The following SFXN1 variants were observed in gnomAD, a reference collection of about 807,000 sequenced individuals.
The protein encoded by SFXN1 is sideroflexin 1, also known as sideroflexin-1.
A neutral mutation model predicts 39.5 loss-of-function variants in SFXN1; 32 were observed. The ratio of observed to expected loss-of-function variants is 0.81; its 90% CI spans 0.61 to 1.09. The LOEUF (loss-of-function observed/expected upper bound fraction) is 1.09, where lower values mean the gene tolerates loss of function less well. Ranked by LOEUF, SFXN1 falls within the 50% of genes least tolerant of loss-of-function variation. SFXN1 has a pLI of 0.00. For synonymous variants in SFXN1, 136 were observed against 146.5 expected, an observed-to-expected ratio of 0.93 and a Z score of 0.52; for missense variants, 402 against 407.1, an observed-to-expected ratio of 0.99 and a Z score of 0.11.
intron 2 of SFXN1, among the ~76,000 whole-genome samples, chr5:175,501,703 C>T (rs1760090575): frequency 6.6e-6 from 1 of 152,028 alleles, no homozygotes; most frequent in South Asian, 2.1e-4. Flanking sequence ...ATAGAAGATA[C>T]AGGAATAGCA....
intron 8 of SFXN1, among the ~76,000 whole-genome samples, chr5:175,521,108 G>A (rs550285964): frequency 6.6e-6 from 1 of 152,038 alleles, no homozygotes; most frequent in African/African-American, 2.4e-5. Context: ...TCACACCTTG[G>A]TTGCAGTGAT....
At chr5:175,478,906 C>G (rs1447805926) in intron 1 of SFXN1, among the ~76,000 whole-genome samples, 1 of 152,136 alleles carries the variant, frequency 6.6e-6, no homozygotes, top group Non-Finnish European at 1.5e-5. Flanking sequence ...TGGGCCTCGT[C>G]CCCGGTGGGA....
chr5:175,508,389 C>A (rs552816511), intron 2 of SFXN1, among the ~76,000 whole-genome samples: 18 of 151,938 alleles, frequency 1.2e-4, no homozygotes, highest in African/African-American at 4.3e-4. Context: ...CAATGCCTGA[C>A]TAGTTTTTAT....
At chr5:175,520,351 T>C (rs139472441) in intron 8 of SFXN1, among the ~76,000 whole-genome samples, 1 of 152,292 alleles carries the variant, frequency 6.6e-6, no homozygotes, top group African/African-American at 2.4e-5. Context: ...CCTTGAGAAA[T>C]GTTGTGAATA....
At chr5:175,487,374 C>G (rs1439217230) in intron 1 of SFXN1, among the ~76,000 whole-genome samples, 2 of 152,178 alleles carry the variant, frequency 1.3e-5, no homozygotes, top group African/African-American at 4.8e-5. Flanking sequence ...ACGTGTTGTT[C>G]CTCTTGCTAC....
chr5:175,514,424 T>A (rs927372028), intron 7 of SFXN1, among the ~76,000 whole-genome samples: 1 of 152,146 alleles, frequency 6.6e-6, no homozygotes, highest in African/African-American at 2.4e-5. Context: ...AGAGCTACCT[T>A]CAGACCAGGG....
At chr5:175,496,329 G>A (rs532488538) in intron 2 of SFXN1, among the ~76,000 whole-genome samples, 109 of 151,546 alleles carry the variant, frequency 7.2e-4, no homozygotes, top group African/African-American at 2.3e-3. Flanking sequence ...AGCCGAGATC[G>A]CTCCCTGCAC....
chr5:175,498,878 G>A (rs1759965880), intron 2 of SFXN1, among the ~76,000 whole-genome samples: 2 of 152,124 alleles, frequency 1.3e-5, no homozygotes, highest in Non-Finnish European at 2.9e-5. Context: ...TAGCAAGATG[G>A]TAATAAAATA....
intron 4 of SFXN1, among the ~76,000 whole-genome samples, chr5:175,511,016 A>G (rs1760491340): frequency 6.6e-6 from 1 of 152,178 alleles, no homozygotes; most frequent in African/African-American, 2.4e-5. Context: ...TCATTTTTTA[A>G]ATGGCAGCAC....
intron 2 of SFXN1, among the ~76,000 whole-genome samples, chr5:175,494,973 C>G (rs1182626968): frequency 6.6e-6 from 1 of 152,156 alleles, no homozygotes; most frequent in Non-Finnish European, 1.5e-5. Context: ...AGAACTCGAA[C>G]AGATCCTTGT....
intron 8 of SFXN1, 137 bp from the exon 9 acceptor site, chr5:175,521,782 C>A: frequency 1.6e-6 from 1 of 641,762 alleles, no homozygotes; most frequent in Non-Finnish European, 2.7e-6. Flanking sequence ...CTTGTTGCAG[C>A]ATTTCCCCCA....
chr5:175,502,158 A>C (rs887269000), intron 2 of SFXN1, among the ~76,000 whole-genome samples: 1 of 152,150 alleles, frequency 6.6e-6, no homozygotes, highest in African/African-American at 2.4e-5. Flanking sequence ...AAAGTGCAAA[A>C]TATCTCAAAC....
chr5:175,504,247 C>T (rs1760203003), intron 2 of SFXN1, among the ~76,000 whole-genome samples: 1 of 151,964 alleles, frequency 6.6e-6, no homozygotes, highest in African/African-American at 2.4e-5. Flanking sequence ...GGACATGAGC[C>T]CTTTGTTTTT....
chr5:175,519,625 G>C (rs1581325236), intron 8 of SFXN1, among the ~76,000 whole-genome samples: 1 of 152,132 alleles, frequency 6.6e-6, no homozygotes, highest in Non-Finnish European at 1.5e-5. Flanking sequence ...AAGATGAGAG[G>C]TTGCCATATA....
chr5:175,511,669 T>A, intron 5 of SFXN1, 143 bp downstream of exon 5: 1 of 696,212 alleles, frequency 1.4e-6, no homozygotes, highest in Non-Finnish European at 2.4e-6. Context: ...ATATTTTAGT[T>A]ATATCTTCCA....
chr5:175,526,268 A>G (rs1458456152), intron 10 of SFXN1, among the ~76,000 whole-genome samples: 1 of 152,136 alleles, frequency 6.6e-6, no homozygotes. Flanking sequence ...TTTTTTATCA[A>G]TGGTGAACAT....
chr5:175,522,247 A>AT (rs1447312309), intron 9 of SFXN1, 128 bp from the exon 10 acceptor site: 1 of 951,912 alleles, frequency 1.1e-6, no homozygotes, highest in African/African-American at 1.6e-5. Flanking sequence ...AACAGGACTT[A>AT]TTTTTGTTAG....
chr5:175,517,221 C>T (rs532986892), intron 8 of SFXN1, among the ~76,000 whole-genome samples: 1 of 152,328 alleles, frequency 6.6e-6, no homozygotes, highest in African/African-American at 2.4e-5. Context: ...CCACCATTGC[C>T]GCATTGTTCC....
chr5:175,495,842 CAT>C (rs1307787725), intron 2 of SFXN1, among the ~76,000 whole-genome samples: 1 of 150,288 alleles, frequency 6.7e-6, no homozygotes, highest in South Asian at 2.1e-4. Context: ...TGTTGAAACA[CAT>C]AGAAATAGTT....
Sources: allele counts gnomAD v4.1 joint callset (sites outside exome capture counted in the v4.1 genomes callset), GRCh38; gene constraint gnomAD v4.1.1; transcripts MANE v1.5; gene names NCBI Gene and HGNC (gene_info 2026-07-23, HGNC 2026-07-21).